ZFPM2: variants seen among roughly 807,000 people sequenced by gnomAD.
ZFPM2 encodes the protein zinc finger protein, FOG family member 2, also known as zinc finger protein ZFPM2.
ZFPM2 carries 20 observed loss-of-function variants against 98.6 expected under a neutral mutation model. The ratio of observed to expected loss-of-function variants is 0.20; its 90% confidence interval spans 0.14 to 0.29. The LOEUF is 0.29. Among genes scored for constraint, ZFPM2 ranks in the 10% least tolerant of loss-of-function variants. The probability of loss-of-function intolerance (pLI) is 1.00; values close to 1 mark genes in which losing one functional copy is unlikely to be tolerated. For synonymous variants in ZFPM2, 518 were observed against 502.7 expected (o/e 1.03, Z -0.41); for missense variants, 1,310 against 1,388.6 (o/e 0.94, Z 0.90).
chr8:105,715,406 T>C (rs1811500756), intron 5 of ZFPM2, among the ~76,000 whole-genome samples: 1 of 125,974 alleles, frequency 7.9e-6, no homozygotes, highest in South Asian at 2.4e-4. Context: ...ACCCCATCTC[T>C]TGAAAAAAAA....
At chr8:105,752,188 C>A (rs1390310727) in intron 5 of ZFPM2, among the ~76,000 whole-genome samples, 2 of 151,992 alleles carry the variant, frequency 1.3e-5, no homozygotes, top group African/African-American at 2.4e-5. Flanking sequence ...CTTTAATATT[C>A]TTTTCTGTAA....
rs1179149537 is a variant in ZFPM2 at position 105,372,468 on chromosome 8, T to C, written c.41-46676T>C. On this transcript the variant is annotated intron_variant, in intron 1 of 7. Transcript: ENST00000407775. ...TTGTAACTTTTGAAGGTTTGAAATA[T>C]ACAAAATAAATTGTAGAAAATAAAA... Among the ~76,000 whole-genome samples the C allele has an allele frequency of 4.6e-5, 7 of 152,232 alleles. No individual in the cohort carries two copies. The South Asian group carries it at 1.0e-3, about 23-fold the overall frequency.
At chr8:105,415,210 A>G (rs1017276284) in intron 1 of ZFPM2, among the ~76,000 whole-genome samples, 1 of 152,060 alleles carries the variant, frequency 6.6e-6, no homozygotes, top group Non-Finnish European at 1.5e-5. Flanking sequence ...ATGCTTACTC[A>G]TTTATTCTGA....
chr8:105,662,885 A>G (rs1347193763), intron 5 of ZFPM2: 3 of 152,060 alleles, frequency 2.0e-5, no homozygotes, highest in Non-Finnish European at 4.4e-5. Flanking sequence ...CTGTGATTCT[A>G]TCCTCAGAGA....
At chr8:105,795,709 A>G (rs77382513) in intron 6 of ZFPM2, 26,562 of 396,616 alleles carry the variant, frequency 0.067, 1,042 homozygotes, top group East Asian at 0.13. Context: ...ATTTTACTTC[A>G]TAAAAAAGAA....
At chr8:105,694,596 G>A (rs1810973431) in intron 5 of ZFPM2, among the ~76,000 whole-genome samples, 1 of 152,102 alleles carries the variant, frequency 6.6e-6, no homozygotes, top group Admixed American at 6.6e-5. Flanking sequence ...CACAGTGCCT[G>A]GAAGTTGATG....
intron 4 of ZFPM2, among the ~76,000 whole-genome samples, chr8:105,613,068 T>G (rs1816338453): frequency 6.6e-6 from 1 of 152,196 alleles, no homozygotes; most frequent in Admixed American, 6.5e-5. Flanking sequence ...ATTGGTTTAT[T>G]TGATTAAAAC....
intron 1 of ZFPM2, among the ~76,000 whole-genome samples, chr8:105,399,829 G>A (rs1260587335): frequency 2.0e-5 from 3 of 152,040 alleles, no homozygotes; most frequent in Admixed American, 6.6e-5. Flanking sequence ...GCAGTGGCGC[G>A]ATCTCGGCTC....
intron 3 of ZFPM2, among the ~76,000 whole-genome samples, chr8:105,450,759 CAA>C (rs1271194284): frequency 6.6e-6 from 1 of 151,816 alleles, no homozygotes; most frequent in Non-Finnish European, 1.5e-5. Context: ...AATATTATAA[CAA>C]AGTGTCAAAA....
intron 5 of ZFPM2, among the ~76,000 whole-genome samples, chr8:105,660,297 T>C (rs1817363073): frequency 6.6e-6 from 1 of 152,180 alleles, no homozygotes; most frequent in African/African-American, 2.4e-5. Context: ...AAAACCTTCC[T>C]GGAACCCCAG....
intron 7 of ZFPM2, among the ~76,000 whole-genome samples, chr8:105,800,186 T>C (rs1813959288): frequency 6.6e-6 from 1 of 152,200 alleles, no homozygotes; most frequent in Non-Finnish European, 1.5e-5. Flanking sequence ...TAGGTACCTC[T>C]GCCATGTTTT....
intron 2 of ZFPM2, among the ~76,000 whole-genome samples, chr8:105,428,143 G>A (rs1290712272): frequency 6.6e-6 from 1 of 152,178 alleles, no homozygotes; most frequent in Non-Finnish European, 1.5e-5. Flanking sequence ...TCTTGTAGAA[G>A]GAGGGAGAGG....
chr8:105,586,604 G>T, intron 4 of ZFPM2, among the ~76,000 whole-genome samples: 1 of 151,128 alleles, frequency 6.6e-6, no homozygotes, highest in Admixed American at 6.6e-5. Context: ...TGTATTTTTA[G>T]TAGAGATGGG....
intron 5 of ZFPM2, among the ~76,000 whole-genome samples, chr8:105,783,210 G>GTTTTTTTTTT (rs753557703): frequency 2.6e-4 from 23 of 88,938 alleles, no homozygotes; most frequent in South Asian, 4.4e-4. Flanking sequence ...TTTCTTTATG[G>GTTTTTTTTTT]TTTTTTTTTT....
chr8:105,589,446 A>G (rs4734882), intron 4 of ZFPM2, among the ~76,000 whole-genome samples: 9,449 of 152,288 alleles, frequency 0.062, 311 homozygotes, highest in Admixed American at 0.094. Context: ...TTTGCCAACA[A>G]AGCTCAAAAA....
intron 5 of ZFPM2, among the ~76,000 whole-genome samples, chr8:105,728,591 CAG>C (rs1811865093): frequency 6.6e-6 from 1 of 151,712 alleles, no homozygotes; most frequent in Admixed American, 6.6e-5. Context: ...GTCAATGAGA[CAG>C]GGGAGTATAG....
intron 4 of ZFPM2, among the ~76,000 whole-genome samples, chr8:105,601,400 A>T (rs1362301721): frequency 6.6e-6 from 1 of 151,994 alleles, no homozygotes; most frequent in East Asian, 1.9e-4. Context: ...TCCCTAATTA[A>T]CTGGATTTGG....
Position 105,709,522 on chromosome 8 carries a change from G to C in ZFPM2, c.532+75165G>C, listed in dbSNP as rs1382971506. Among the ~76,000 whole-genome samples, 12 of 152,120 alleles carry C rather than the reference G, an allele frequency of 7.9e-5. No homozygotes were observed. In the East Asian group the frequency reaches 2.3e-3, roughly 29 times the overall value. On this transcript the variant is annotated intron_variant, in intron 5 of 7. Coordinates refer to ENST00000407775, the MANE Select transcript of ZFPM2 (RefSeq NM_012082.4). ...CCAGGCTTCCAGATTACACAGCTCA[G>C]CTCAACCAGATTTTTAAAAAAATGT...
At chr8:105,389,036 G>A (rs1314984399) in intron 1 of ZFPM2, among the ~76,000 whole-genome samples, 43 of 151,424 alleles carry the variant, frequency 2.8e-4, no homozygotes, top group African/African-American at 9.9e-4. Flanking sequence ...GTGTGTGTGT[G>A]TGTGTGTGTG....
Sources: allele counts gnomAD v4.1 joint callset (sites outside exome capture counted in the v4.1 genomes callset), GRCh38; gene constraint gnomAD v4.1.1; transcripts MANE v1.5; gene names NCBI Gene and HGNC (gene_info 2026-07-23, HGNC 2026-07-21).